The following GSK3B variants were observed in gnomAD, a reference collection of about 807,000 sequenced individuals.
GSK3B encodes glycogen synthase kinase 3 beta, also known as glycogen synthase kinase-3 beta.
GSK3B carries 15 observed loss-of-function variants against 56.4 expected under a neutral mutation model. That is an observed-to-expected ratio of 0.27 (90% CI 0.18 to 0.41). The LOEUF is 0.41. GSK3B is among the 10% of genes least tolerant of loss of function. The pLI is 1.00. For synonymous variants in GSK3B, 181 were observed against 188.9 expected (o/e 0.96, Z 0.34); for missense variants, 300 against 513.4 (o/e 0.58, Z 4.02).
chr3:120,091,248 G>T (rs570395354), intron 1 of GSK3B, among the ~76,000 whole-genome samples: 87 of 152,256 alleles, frequency 5.7e-4, no homozygotes, highest in African/African-American at 1.6e-3. Flanking sequence ...GTTTTCAACA[G>T]GGGTTCCTTA....
At chr3:119,893,314 A>G (rs2056525261) in intron 7 of GSK3B, among the ~76,000 whole-genome samples, 1 of 152,056 alleles carries the variant, frequency 6.6e-6, no homozygotes, top group African/African-American at 2.4e-5. Context: ...TACTTTTTAA[A>G]TCTACTAGTT....
Position 119,838,736 on chromosome 3 carries a change from T to C in GSK3B, c.1195+4519A>G, listed in dbSNP as rs187442251. Among the ~76,000 whole-genome samples the C allele has an allele frequency of 5.3e-5, 8 of 152,314 alleles. No individual in the cohort carries two copies. In the East Asian group the frequency reaches 1.3e-3, roughly 26 times the overall value. On this transcript the variant is annotated intron_variant, in intron 10 of 10. Coordinates refer to ENST00000264235, the MANE Select transcript of GSK3B (RefSeq NM_001146156.2). The stretch of plus-strand genomic sequence containing the variant: ...CTCCTTTTTGTTATATATTAATACA[T>C]ACTGTTTTATTATATGATTTATGAT...
At chr3:119,990,908 A>T (rs1280649098) in intron 2 of GSK3B, among the ~76,000 whole-genome samples, 1 of 152,226 alleles carries the variant, frequency 6.6e-6, no homozygotes, top group Non-Finnish European at 1.5e-5. Flanking sequence ...AGCCTGGGCA[A>T]CAAGAGTGAA....
rs572865510 is a variant in GSK3B at position 120,090,673 on chromosome 3, TC to T, written c.88+2673del. 3.5e-3 allele frequency among the ~76,000 whole-genome samples: 538 copies of T among 152,264 alleles called. 1 individual carries two copies. Among genetic ancestry groups the T allele is most frequent in the Middle Eastern group, 0.02 (6 of 294 alleles). ...ACATTTTACTTTATTCCCTCATGAT[TC>T]ACAACATACCCTACTAGCTCCCTAA... On this transcript the variant is annotated intron_variant, in intron 1 of 10. Coordinates refer to ENST00000264235, the MANE Select transcript of GSK3B (RefSeq NM_001146156.2).
At chr3:119,859,182 TA>T (rs2056065492) in intron 9 of GSK3B, among the ~76,000 whole-genome samples, 1 of 73,948 alleles carries the variant, frequency 1.4e-5, no homozygotes, top group Non-Finnish European at 3.4e-5. Context: ...TATTTGTGTA[TA>T]TAAAAAAAAA....
At chr3:119,832,741 G>A (rs1252446958) in intron 10 of GSK3B, among the ~76,000 whole-genome samples, 1 of 152,360 alleles carries the variant, frequency 6.6e-6, no homozygotes, top group African/African-American at 2.4e-5. Flanking sequence ...ATTGGCACAT[G>A]TATTAAAACC....
chr3:119,839,122 G>C (rs2055735147), intron 10 of GSK3B, among the ~76,000 whole-genome samples: 2 of 152,194 alleles, frequency 1.3e-5, no homozygotes, highest in Non-Finnish European at 2.9e-5. Flanking sequence ...CCCAGAATTA[G>C]CACAGTATGA....
At chr3:119,837,637 T>C (rs1231015463) in intron 10 of GSK3B, among the ~76,000 whole-genome samples, 1 of 152,002 alleles carries the variant, frequency 6.6e-6, no homozygotes, top group Non-Finnish European at 1.5e-5. Context: ...AGAAACTTTA[T>C]GCTGATGACC....
intron 1 of GSK3B, among the ~76,000 whole-genome samples, chr3:120,054,738 T>C (rs529571688): frequency 3.3e-5 from 5 of 152,236 alleles, no homozygotes; most frequent in South Asian, 2.1e-4. Context: ...AGTCTCCTGA[T>C]AGCTCTCCAA....
chr3:120,029,075 G>A, intron 1 of GSK3B: 2 of 764,516 alleles, frequency 2.6e-6, no homozygotes, highest in Non-Finnish European at 2.2e-6. Context: ...TGTGCATTTG[G>A]ATCAGCTACT....
At chr3:119,862,316 T>A (rs561175543) in intron 9 of GSK3B, among the ~76,000 whole-genome samples, 1 of 126,708 alleles carries the variant, frequency 7.9e-6, no homozygotes, top group Non-Finnish European at 1.6e-5. Flanking sequence ...TAGGTGGGAA[T>A]TGAACAATGA....
chr3:119,848,630 G>A (rs566162819), intron 9 of GSK3B, among the ~76,000 whole-genome samples: 1 of 152,208 alleles, frequency 6.6e-6, no homozygotes, highest in East Asian at 1.9e-4. Flanking sequence ...AAGGGAAATT[G>A]TACTTTTAAT....
intron 7 of GSK3B, among the ~76,000 whole-genome samples, chr3:119,905,358 T>TA (rs1322628958): frequency 6.6e-6 from 1 of 152,056 alleles, no homozygotes; most frequent in African/African-American, 2.4e-5. Context: ...AGTGACCAAA[T>TA]ACAAGTATCT....
At position 119,826,478 on chromosome 3, in the gene GSK3B, C is replaced by T; in HGVS notation, c.*310G>A. 2.0e-6 allele frequency: 1 copy of T among 499,596 alleles called. No homozygotes were observed. Among genetic ancestry groups the T allele is most frequent in the Non-Finnish European group, 3.6e-6 (1 of 275,094 alleles). The allele number at this position is 499,596 out of a possible 1,614,324, so 30.9% of individuals were successfully genotyped here. A position where few individuals can be genotyped will look rare whatever the true frequency, so the allele number is the denominator to read the frequency against. On this transcript the variant is annotated 3_prime_UTR_variant, in exon 11 of 11. Transcript: ENST00000264235. ...GGAGTCCTGTTTTTAAAGTATACAA[C>T]AGCAGACTTTTAATAAAAAAAGATT... is the stretch of plus-strand genomic sequence containing the variant.
At chr3:119,901,776 A>C (rs1305818905) in intron 7 of GSK3B, among the ~76,000 whole-genome samples, 1 of 152,206 alleles carries the variant, frequency 6.6e-6, no homozygotes, top group African/African-American at 2.4e-5. Context: ...GAATAAAAAA[A>C]AGTCCCTGCT....
chr3:120,077,081 G>T (rs1225622928), intron 1 of GSK3B, among the ~76,000 whole-genome samples: 1 of 152,162 alleles, frequency 6.6e-6, no homozygotes, highest in Non-Finnish European at 1.5e-5. Context: ...TGAGAATGCA[G>T]ATTAGTGCAG....
chr3:119,923,532 G>T (rs1292046811), intron 3 of GSK3B, 49 bp from the exon 4 acceptor site: 5 of 831,240 alleles, frequency 6.0e-6, no homozygotes, highest in African/African-American at 3.5e-5. Flanking sequence ...ATTAGAAACT[G>T]GTCTTTAAAT....
chr3:119,828,048 A>G (rs1052504217), intron 10 of GSK3B, among the ~76,000 whole-genome samples: 1 of 152,158 alleles, frequency 6.6e-6, no homozygotes, highest in Non-Finnish European at 1.5e-5. Flanking sequence ...TACACATTCC[A>G]TGTCTATATC....
At chr3:119,845,556 C>T (rs1034558950) in intron 9 of GSK3B, among the ~76,000 whole-genome samples, 1 of 152,128 alleles carries the variant, frequency 6.6e-6, no homozygotes, top group Non-Finnish European at 1.5e-5. Context: ...AACTCCCATT[C>T]ACAATTGCTA....
Sources: gnomAD v4.1 joint callset for allele counts (sites outside exome capture counted in the v4.1 genomes callset) on GRCh38, gnomAD v4.1.1 for gene constraint, MANE v1.5 for transcripts, NCBI Gene and HGNC (gene_info 2026-07-23, HGNC 2026-07-21) for gene names.